Variants in ZBBX observed in about 807,000 individuals in gnomAD.
The protein encoded by ZBBX is zinc finger B-box domain containing.
ZBBX carries 101 observed loss-of-function variants against 108.5 expected under a neutral mutation model. The observed-to-expected ratio is 0.93, with a 90% CI of 0.79 to 1.10. The LOEUF is 1.10. Ranked by LOEUF, ZBBX falls within the 50% of genes least tolerant of loss-of-function variation. ZBBX has a pLI of 0.00. For missense variants in ZBBX, 1,009 were observed against 941.4 expected, an observed-to-expected ratio of 1.07 and a Z score of -0.94; for synonymous variants, 356 against 323.4, an observed-to-expected ratio of 1.10 and a Z score of -1.08.
intron 20 of ZBBX, among the ~76,000 whole-genome samples, chr3:167,279,602 A>G (rs1728380268): frequency 6.6e-6 from 1 of 151,776 alleles, no homozygotes; most frequent in African/African-American, 2.4e-5. Flanking sequence ...AAAAGAGGAT[A>G]CAAACAAATG....
chr3:167,191,726 T>C, the ZBBX span, among the ~76,000 whole-genome samples: 3 of 151,758 alleles, frequency 2.0e-5, no homozygotes, highest in South Asian at 2.1e-4. Flanking sequence ...TTATCAGCAG[T>C]GTGAAAACAG....
upstream of ZBBX, among the ~76,000 whole-genome samples, chr3:167,381,497 G>C (rs991950196): frequency 6.6e-6 from 1 of 152,178 alleles, no homozygotes; most frequent in Admixed American, 6.5e-5. Flanking sequence ...AAGAAACAGT[G>C]GTGCTGGTGT....
At chr3:167,370,141 G>A (rs1056721316) in intron 4 of ZBBX, among the ~76,000 whole-genome samples, 3 of 152,142 alleles carry the variant, frequency 2.0e-5, no homozygotes, top group Non-Finnish European at 4.4e-5. Flanking sequence ...AGGGTGCAAG[G>A]CTAGAAGCAA....
At chr3:167,303,492 A>C (rs1331571675) in intron 17 of ZBBX, among the ~76,000 whole-genome samples, 1 of 152,014 alleles carries the variant, frequency 6.6e-6, no homozygotes, top group Non-Finnish European at 1.5e-5. Flanking sequence ...TCACACCATT[A>C]TTTCTTGCAT....
intron 16 of ZBBX, among the ~76,000 whole-genome samples, chr3:167,309,877 T>C (rs905074258): frequency 1.3e-5 from 2 of 152,342 alleles, no homozygotes; most frequent in African/African-American, 4.8e-5. Context: ...AGAATGGGTG[T>C]TTCTTTTCTA....
rs113655554 is a variant in ZBBX at position 167,332,315 on chromosome 3, C to A, written c.687+1512G>T. ...AACACACACACACACACGTCTGAAC[C>A]CCACCCACGGAGATGCTGAACTCAA... On this transcript the variant is annotated intron_variant, in intron 10 of 21. Coordinates refer to ENST00000675490, the MANE Select transcript of ZBBX (RefSeq NM_001199201.2). Among the ~76,000 whole-genome samples the A allele has an allele frequency of 2.3e-3, 346 of 151,370 alleles. 4 individuals carry two copies. Among genetic ancestry groups the A allele is most frequent in the Non-Finnish European group, 3.5e-3 (238 of 67,760 alleles).
At chr3:167,379,602 C>T (rs922989596) in intron 2 of ZBBX, 36 bp downstream of exon 2, 4 of 152,076 alleles carry the variant, frequency 2.6e-5, no homozygotes, top group Admixed American at 2.6e-4. Context: ...GATTTTAAGT[C>T]AAGCTATAAA....
intron 12 of ZBBX, 66 bp downstream of exon 12, chr3:167,322,051 G>A (rs1736533425): frequency 1.0e-6 from 1 of 971,662 alleles, no homozygotes; most frequent in African/African-American, 1.7e-5. Flanking sequence ...AGGAAGGCAT[G>A]TCATACAAGA....
At chr3:167,283,943 C>T (rs1038817186) in intron 19 of ZBBX, among the ~76,000 whole-genome samples, 3 of 151,954 alleles carry the variant, frequency 2.0e-5, no homozygotes, top group African/African-American at 4.8e-5. Flanking sequence ...AAATCTACTT[C>T]GAATGTGTCT....
chr3:167,221,356 A>C, the ZBBX span, among the ~76,000 whole-genome samples: 35 of 152,018 alleles, frequency 2.3e-4, no homozygotes, highest in African/African-American at 8.2e-4. Flanking sequence ...ACTCAGAAAC[A>C]AATCTGTACA....
intron 20 of ZBBX, among the ~76,000 whole-genome samples, chr3:167,256,452 C>A (rs1723530235): frequency 6.7e-6 from 1 of 148,776 alleles, no homozygotes; most frequent in African/African-American, 2.6e-5. Flanking sequence ...ATTTGAGTTA[C>A]AAATAATCCA....
chr3:167,192,829 T>G, the ZBBX span, among the ~76,000 whole-genome samples: 2 of 152,236 alleles, frequency 1.3e-5, no homozygotes, highest in African/African-American at 4.8e-5. Context: ...TAAAATTATT[T>G]TAATCTCTTC....
intron 15 of ZBBX, 149 bp downstream of exon 15, chr3:167,315,601 T>G: frequency 1.7e-6 from 1 of 589,946 alleles, no homozygotes; most frequent in Non-Finnish European, 3.0e-6. Context: ...TGTATACATA[T>G]TTAAGCATGG....
chr3:167,353,871 ACC>A (rs1743077565), intron 8 of ZBBX, among the ~76,000 whole-genome samples: 1 of 151,858 alleles, frequency 6.6e-6, no homozygotes, highest in African/African-American at 2.4e-5. Flanking sequence ...CAAAGCTTAA[ACC>A]CTTAACCACA....
At chr3:167,368,415 T>C (rs759071270) in intron 5 of ZBBX, 46 bp downstream of exon 5, 1 of 1,323,850 alleles carries the variant, frequency 7.6e-7, no homozygotes, top group South Asian at 1.2e-5. Flanking sequence ...TAGTTCTTTA[T>C]ATAATTTAGT....
In ZBBX at chr3:167,296,588, C is replaced by T. The variant is rs188608969; in HGVS notation, c.1879+1717G>A. On this transcript the variant is annotated intron_variant, in intron 18 of 21. Coordinates refer to ENST00000675490, the MANE Select transcript of ZBBX (RefSeq NM_001199201.2). ...TGTATTTCTATATGCTAACAATGAA[C>T]AATCGGAAAAGGAAATTAAAGAAAC... Among the ~76,000 whole-genome samples, 7 of 151,860 alleles carry T rather than the reference C, an allele frequency of 4.6e-5. No individual in the cohort carries two copies. The East Asian group carries it at 1.4e-3, about 29-fold the overall frequency.
At chr3:167,228,445 A>G in the ZBBX span, among the ~76,000 whole-genome samples, 1 of 151,776 alleles carries the variant, frequency 6.6e-6, no homozygotes, top group Non-Finnish European at 1.5e-5. Flanking sequence ...ATTATAGTGG[A>G]CTTAGAACAG....
At chr3:167,207,422 T>G in the ZBBX span, among the ~76,000 whole-genome samples, 1 of 152,174 alleles carries the variant, frequency 6.6e-6, no homozygotes, top group Non-Finnish European at 1.5e-5. Context: ...GCTTATTCTA[T>G]CCCAGATAGT....
At chr3:167,213,451 T>G in the ZBBX span, among the ~76,000 whole-genome samples, 1 of 151,964 alleles carries the variant, frequency 6.6e-6, no homozygotes, top group African/African-American at 2.4e-5. Context: ...ATCTCAGAAT[T>G]TGATGACTGG....
Sources: allele counts gnomAD v4.1 joint callset (sites outside exome capture counted in the v4.1 genomes callset), GRCh38; gene constraint gnomAD v4.1.1; transcripts MANE v1.5; gene names NCBI Gene and HGNC (gene_info 2026-07-23, HGNC 2026-07-21).